Variants in GPC6 observed in about 807,000 individuals in gnomAD.
GPC6 encodes the protein glypican-6.
GPC6 carries 14 observed loss-of-function variants against 55.2 expected under a neutral mutation model. The observed-to-expected ratio is 0.25, with a 90% confidence interval of 0.17 to 0.40. The LOEUF is 0.40. Among genes scored for constraint, GPC6 ranks in the 10% least tolerant of loss-of-function variants. GPC6 has a pLI of 1.00. For synonymous variants in GPC6, 278 were observed against 259.6 expected (o/e 1.07, Z -0.68); for missense variants, 641 against 708.5 (o/e 0.90, Z 1.08).
chr13:93,659,837 C>T (rs545706483), intron 2 of GPC6, among the ~76,000 whole-genome samples: 1 of 152,002 alleles, frequency 6.6e-6, no homozygotes, highest in South Asian at 2.1e-4. Context: ...CAGTAAGCAT[C>T]TTAAAGTAAA....
chr13:94,383,699 A>G (rs1880278180), intron 7 of GPC6, among the ~76,000 whole-genome samples: 1 of 152,190 alleles, frequency 6.6e-6, no homozygotes, highest in African/African-American at 2.4e-5. Flanking sequence ...GCTGAGTTGC[A>G]TTTTTTAGCA....
chr13:93,315,258 A>T lies in GPC6; in HGVS notation c.160+87642A>T, dbSNP rs928490960. Among the ~76,000 whole-genome samples the T allele has an allele frequency of 4.3e-4, 65 of 152,122 alleles. 1 individual carries two copies. The highest frequency in any genetic ancestry group is 2.6e-3 in the Admixed American group (40 of 15,252). Reference sequence around the variant, plus strand: ...GTTATGAACAGGATGTTACTATGAAATTTTTTGAAGATTGTATTTCTTTTT... The same window carrying T: ...GTTATGAACAGGATGTTACTATGAATTTTTTTGAAGATTGTATTTCTTTTT... On this transcript the variant is annotated intron_variant, in intron 1 of 8. Transcript: ENST00000377047.
chr13:93,850,731 G>A (rs1176419535), intron 3 of GPC6, among the ~76,000 whole-genome samples: 1 of 151,908 alleles, frequency 6.6e-6, no homozygotes, highest in Non-Finnish European at 1.5e-5. Flanking sequence ...ACCAGAAATA[G>A]GAGATACCTG....
intron 1 of GPC6, 55 bp from the exon 2 acceptor site, chr13:93,545,208 A>G (rs1874716363): frequency 6.9e-7 from 1 of 1,455,998 alleles, no homozygotes; most frequent in Non-Finnish European, 9.6e-7. Flanking sequence ...TGAAATCTCT[A>G]ACGTCTACCA....
intron 3 of GPC6, among the ~76,000 whole-genome samples, chr13:93,834,813 G>A (rs1402855036): frequency 6.6e-6 from 1 of 152,100 alleles, no homozygotes; most frequent in African/African-American, 2.4e-5. Context: ...GCTAAGTGAT[G>A]TCAGAAAGGC....
intron 3 of GPC6, among the ~76,000 whole-genome samples, chr13:93,846,156 G>A (rs1476308028): frequency 1.3e-5 from 2 of 152,012 alleles, no homozygotes; most frequent in Non-Finnish European, 2.9e-5. Flanking sequence ...AAAATGTATA[G>A]CAAGCACAGG....
chr13:94,076,881 C>G (rs1349169812), intron 4 of GPC6, among the ~76,000 whole-genome samples: 3 of 150,214 alleles, frequency 2.0e-5, no homozygotes, highest in Non-Finnish European at 4.4e-5. Flanking sequence ...ATTACTGTAG[C>G]TTTCTAATAC....
chr13:93,475,862 G>T (rs1209200891), intron 1 of GPC6, among the ~76,000 whole-genome samples: 1 of 151,918 alleles, frequency 6.6e-6, no homozygotes, highest in Non-Finnish European at 1.5e-5. Context: ...TTTCTTATCA[G>T]AAAAAACATT....
intron 6 of GPC6, among the ~76,000 whole-genome samples, chr13:94,373,556 G>C (rs1879690969): frequency 6.6e-6 from 1 of 152,096 alleles, no homozygotes; most frequent in Admixed American, 6.5e-5. Flanking sequence ...AAGAAATATG[G>C]GACTATGTGA....
intron 3 of GPC6, among the ~76,000 whole-genome samples, chr13:93,861,591 G>T (rs1888815814): frequency 6.6e-6 from 1 of 151,506 alleles, no homozygotes; most frequent in South Asian, 2.1e-4. Context: ...CCCATTTCTG[G>T]CACCTGGTGT....
chr13:93,452,522 TATAAG>T (rs1878269438), intron 1 of GPC6, among the ~76,000 whole-genome samples: 1 of 152,206 alleles, frequency 6.6e-6, no homozygotes, highest in Non-Finnish European at 1.5e-5. Flanking sequence ...CGGTCATAAT[TATAAG>T]ATGTCTATGA....
intron 3 of GPC6, among the ~76,000 whole-genome samples, chr13:93,935,716 A>G (rs1878405184): frequency 6.6e-6 from 1 of 152,208 alleles, no homozygotes; most frequent in Non-Finnish European, 1.5e-5. Flanking sequence ...ACTGTGAAGC[A>G]GCCTGTCTTA....
intron 4 of GPC6, among the ~76,000 whole-genome samples, chr13:94,273,659 G>A (rs1226577682): frequency 6.6e-6 from 1 of 152,188 alleles, no homozygotes; most frequent in African/African-American, 2.4e-5. Context: ...TGTACCAGAT[G>A]GAGTGAGAGC....
chr13:94,030,662 A>C (rs1057431101), intron 4 of GPC6, among the ~76,000 whole-genome samples: 2 of 152,274 alleles, frequency 1.3e-5, no homozygotes, highest in Middle Eastern at 3.4e-3. Flanking sequence ...GGCTTCTGGC[A>C]TCTCTTCATC....
At chr13:93,662,618 G>A (rs559504881) in intron 2 of GPC6, among the ~76,000 whole-genome samples, 1 of 151,810 alleles carries the variant, frequency 6.6e-6, no homozygotes, top group Non-Finnish European at 1.5e-5. Context: ...GTACAAGAGC[G>A]AGACGTCTTT....
At chr13:93,247,071 G>A (rs969651165) in intron 1 of GPC6, among the ~76,000 whole-genome samples, 4 of 150,860 alleles carry the variant, frequency 2.7e-5, no homozygotes, top group Non-Finnish European at 5.9e-5. Flanking sequence ...TATTATGAAA[G>A]AAACAACTAC....
intron 1 of GPC6, among the ~76,000 whole-genome samples, chr13:93,418,194 A>G (rs1295338257): frequency 1.3e-5 from 2 of 151,860 alleles, no homozygotes; most frequent in South Asian, 2.1e-4. Flanking sequence ...TACATGAGAT[A>G]CTTCGATATA....
chr13:93,353,141 C>T (rs1481533534), intron 1 of GPC6, among the ~76,000 whole-genome samples: 2 of 152,060 alleles, frequency 1.3e-5, no homozygotes, highest in African/African-American at 4.8e-5. Flanking sequence ...GTGCTTTTTA[C>T]TACCAAAGAG....
chr13:93,219,954 C>A, the GPC6 span, among the ~76,000 whole-genome samples: 1 of 152,108 alleles, frequency 6.6e-6, no homozygotes, highest in Non-Finnish European at 1.5e-5. Flanking sequence ...TGAGCAAGTG[C>A]CTTCTAAGCT....
Sources: allele counts gnomAD v4.1 joint callset (sites outside exome capture counted in the v4.1 genomes callset), GRCh38; gene constraint gnomAD v4.1.1; transcripts MANE v1.5; gene names NCBI Gene and HGNC (gene_info 2026-07-23, HGNC 2026-07-21).